Variants in TCF7L2 observed in about 807,000 individuals in gnomAD.
TCF7L2 encodes the protein transcription factor 7 like 2.
Under a neutral mutation model 77.9 loss-of-function variants are expected in TCF7L2, and 23 were observed. The ratio of observed to expected loss-of-function variants is 0.30; its 90% CI spans 0.21 to 0.42. TCF7L2 has a LOEUF of 0.42. Ranked by LOEUF, TCF7L2 falls within the 10% of genes least tolerant of loss-of-function variation. The probability of loss-of-function intolerance (pLI) is 1.00; values close to 1 mark genes in which losing one functional copy is unlikely to be tolerated. For synonymous variants in TCF7L2, 413 were observed against 340.2 expected, an observed-to-expected ratio of 1.21 and a Z score of -2.36; for missense variants, 654 against 793.1, an observed-to-expected ratio of 0.82 and a Z score of 2.11.
chr10:112,964,813 G>GGTGGTGGTGATGGTGGTGGTGGTGGAGGT (rs1564719445), intron 4 of TCF7L2, among the ~76,000 whole-genome samples, 189 bp downstream of exon 4: 1 of 98,410 alleles, frequency 1.0e-5, no homozygotes. Context: ...TGGTGGTGGT[G>GGTGGTGGTGATGGTGGTGGTGGTGGAGGT]GGGGGGGGTT....
intron 4 of TCF7L2, among the ~76,000 whole-genome samples, chr10:112,971,700 CT>C (rs1485775124): frequency 7.8e-4 from 118 of 151,926 alleles, no homozygotes; most frequent in African/African-American, 2.7e-3. Context: ...GCAACCTCCG[CT>C]TCCCGGGTTC....
At chr10:113,004,110 G>C (rs1370410022) in intron 4 of TCF7L2, among the ~76,000 whole-genome samples, 1 of 152,208 alleles carries the variant, frequency 6.6e-6, no homozygotes, top group Non-Finnish European at 1.5e-5. Context: ...ACTGAGAAGA[G>C]ATTCCACCAG....
chr10:113,165,944 T>TA lies in TCF7L2; in HGVS notation c.1781_1782insA (p.Ser595ValfsTer14). 6.5e-7 allele frequency: 1 copy of TA among 1,540,968 alleles called. No individual in the cohort carries two copies. Among genetic ancestry groups the TA allele is most frequent in the Admixed American group, 2.1e-5 (1 of 48,370 alleles). On this transcript the variant is annotated frameshift_variant, in exon 14 of 14. Transcript: ENST00000627217. LOFTEE classifies it high-confidence loss of function. ...CTGGCCGGGACCCAGCCCCAGCCGC[T>TA]GTCGCTCGTCACCAAGTCTTTAGAA...
At chr10:112,979,320 T>G (rs1036098667) in intron 4 of TCF7L2, among the ~76,000 whole-genome samples, 3 of 152,180 alleles carry the variant, frequency 2.0e-5, no homozygotes, top group South Asian at 4.1e-4. Flanking sequence ...TTTCTGTAAC[T>G]GGGGACAGTT....
chr10:113,065,301 T>G (rs1462104662), intron 5 of TCF7L2, among the ~76,000 whole-genome samples: 1 of 152,222 alleles, frequency 6.6e-6, no homozygotes, highest in African/African-American at 2.4e-5. Flanking sequence ...CCAGACAGTT[T>G]GGAAACATTT....
chr10:113,120,811 G>A (rs996237673), intron 5 of TCF7L2, among the ~76,000 whole-genome samples: 4 of 152,162 alleles, frequency 2.6e-5, no homozygotes, highest in African/African-American at 9.7e-5. Context: ...ACCAGACAAA[G>A]CCTCAGGAAG....
chr10:113,063,322 C>T lies in TCF7L2; in HGVS notation c.552+23196C>T, dbSNP rs74157207. 5.8e-3 allele frequency among the ~76,000 whole-genome samples: 879 copies of T among 152,262 alleles called. 6 individuals carry two copies. The highest frequency in any genetic ancestry group is 0.02 in the African/African-American group (812 of 41,536). On this transcript the variant is annotated intron_variant, in intron 5 of 13. Coordinates refer to ENST00000627217, the MANE Select transcript of TCF7L2 (RefSeq NM_001146274.2). ...ATTTACTGATAAACTTCCTTTTTGA[C>T]GGTCATGGGCTTCGGGGGCCACCCA...
chr10:113,084,019 C>T (rs1450467903), intron 5 of TCF7L2, among the ~76,000 whole-genome samples: 1 of 152,164 alleles, frequency 6.6e-6, no homozygotes, highest in Non-Finnish European at 1.5e-5. Context: ...TTCTAAGACT[C>T]ATTTCATTTT....
At chr10:113,142,913 G>A (rs1189733553) in intron 6 of TCF7L2, among the ~76,000 whole-genome samples, 2 of 152,204 alleles carry the variant, frequency 1.3e-5, no homozygotes, top group East Asian at 3.8e-4. Context: ...TTTGGTTTTT[G>A]TAATAGAGAG....
chr10:113,008,183 C>T (rs1025420473), intron 4 of TCF7L2, among the ~76,000 whole-genome samples: 1 of 152,166 alleles, frequency 6.6e-6, no homozygotes, highest in Non-Finnish European at 1.5e-5. Context: ...TCATCCAAAG[C>T]TCTGTATGAG....
At chr10:113,030,832 G>A (rs1367460595) in intron 4 of TCF7L2, among the ~76,000 whole-genome samples, 3 of 152,180 alleles carry the variant, frequency 2.0e-5, no homozygotes, top group Admixed American at 6.5e-5. Flanking sequence ...ACATTTGTTT[G>A]GAATCCACAG....
chr10:113,150,730 A>C (rs937599329), intron 8 of TCF7L2, among the ~76,000 whole-genome samples: 1 of 152,210 alleles, frequency 6.6e-6, no homozygotes, highest in Non-Finnish European at 1.5e-5. Flanking sequence ...TTTCCGCCCA[A>C]GTACGTCAGT....
chr10:112,965,123 G>T (rs2036437161), intron 4 of TCF7L2, among the ~76,000 whole-genome samples: 1 of 152,174 alleles, frequency 6.6e-6, no homozygotes, highest in African/African-American at 2.4e-5. Context: ...ATGTTAAGTG[G>T]TGCTAAGAAT....
At chr10:113,148,648 G>T (rs1329031958) in intron 8 of TCF7L2, among the ~76,000 whole-genome samples, 15 of 152,156 alleles carry the variant, frequency 9.9e-5, no homozygotes, top group African/African-American at 3.6e-4. Flanking sequence ...TTATATTCTG[G>T]CTTGGAGCCA....
chr10:113,117,365 T>G (rs1199430203), intron 5 of TCF7L2, among the ~76,000 whole-genome samples: 2 of 122,154 alleles, frequency 1.6e-5, no homozygotes, highest in East Asian at 2.7e-4. Context: ...TGAAGGGATT[T>G]TCTCTCTCTC....
At position 112,966,184 on chromosome 10, in the gene TCF7L2, T is replaced by TTTTATATATATATATATATA. The variant is rs1554876896; in HGVS notation, c.450+1561_450+1562insTTATATATATATATATATAT. ...GAGTGAGACTCTGTCTAAAATATAT[T>TTTTATATATATATATATATA]TATATATATATATATATATATATAT... On this transcript the variant is annotated intron_variant, in intron 4 of 13. Transcript: ENST00000627217. 2.6e-4 allele frequency among the ~76,000 whole-genome samples: 30 copies of TTTTATATATATATATATATA among 114,230 alleles called. 1 individual carries two copies. The highest frequency in any genetic ancestry group is 1.1e-3 in the African/African-American group (23 of 21,016). 74.9% of individuals were successfully genotyped at this position (114,230 alleles called of 152,430 possible). A position where few individuals can be genotyped will look rare whatever the true frequency, so the allele number is the denominator to read the frequency against.
At chr10:113,147,478 A>C (rs540403604) in intron 8 of TCF7L2, among the ~76,000 whole-genome samples, 14 of 152,308 alleles carry the variant, frequency 9.2e-5, no homozygotes, top group African/African-American at 3.4e-4. Flanking sequence ...ATATCATCAA[A>C]ATTTCAAAAT....
chr10:112,984,910 G>A (rs1287190592), intron 4 of TCF7L2, among the ~76,000 whole-genome samples: 3 of 152,182 alleles, frequency 2.0e-5, no homozygotes, highest in Non-Finnish European at 4.4e-5. Context: ...ATAAGGAGGC[G>A]TTCTGGGATG....
intron 4 of TCF7L2, among the ~76,000 whole-genome samples, chr10:113,033,092 T>G (rs1315433319): frequency 6.7e-6 from 1 of 149,326 alleles, no homozygotes; most frequent in Middle Eastern, 3.4e-3. Context: ...ACTATGTTGG[T>G]TTTTTTTCCC....
Sources: allele counts gnomAD v4.1 joint callset (sites outside exome capture counted in the v4.1 genomes callset), GRCh38; gene constraint gnomAD v4.1.1; transcripts MANE v1.5; gene names NCBI Gene and HGNC (gene_info 2026-07-23, HGNC 2026-07-21).